The following TFAM variants were observed in gnomAD, a reference collection of about 807,000 sequenced individuals.
The protein encoded by TFAM is mitochondrial transcription factor 1.
In TFAM, 13 loss-of-function variants were observed where a neutral mutation model predicts 30.6. The observed-to-expected ratio is 0.42, with a 90% CI of 0.28 to 0.67. The LOEUF is 0.67. TFAM is among the 30% of genes least tolerant of loss of function. The probability of loss-of-function intolerance (pLI) is 0.21; values close to 1 mark genes in which losing one functional copy is unlikely to be tolerated. For synonymous variants in TFAM, 106 were observed against 94.8 expected (o/e 1.12, Z -0.69); for missense variants, 231 against 293.7 (o/e 0.79, Z 1.56).
At chr10:58,389,087 C>T (rs1206061477) in intron 4 of TFAM, among the ~76,000 whole-genome samples, 1 of 152,144 alleles carries the variant, frequency 6.6e-6, no homozygotes, top group Non-Finnish European at 1.5e-5. Flanking sequence ...GTAATGGAAA[C>T]TACAGGAACA....
At chr10:58,393,024 G>T (rs1840624264) in intron 5 of TFAM, among the ~76,000 whole-genome samples, 1 of 152,060 alleles carries the variant, frequency 6.6e-6, no homozygotes, top group African/African-American at 2.4e-5. Context: ...CTGTGGCCCA[G>T]GCTGGAGTGC....
chr10:58,392,268 A>C (rs1230855392), intron 5 of TFAM, among the ~76,000 whole-genome samples: 2 of 152,106 alleles, frequency 1.3e-5, no homozygotes, highest in Non-Finnish European at 2.9e-5. Flanking sequence ...CTGGGCATAG[A>C]ATTCTAGTTT....
At chr10:58,391,117 T>G (rs1249173403) in intron 5 of TFAM, among the ~76,000 whole-genome samples, 1 of 152,144 alleles carries the variant, frequency 6.6e-6, no homozygotes, top group Non-Finnish European at 1.5e-5. Context: ...GTAGGGATAT[T>G]AAAGTTCTTC....
chr10:58,386,555 A>G (rs938439470), intron 2 of TFAM: 11 of 779,276 alleles, frequency 1.4e-5, no homozygotes, highest in Admixed American at 3.1e-5. Context: ...CGTATAGTGT[A>G]GAAAGCACCC....
chr10:58,385,830 T>A (rs1840476571), intron 1 of TFAM, among the ~76,000 whole-genome samples, 182 bp downstream of exon 1: 1 of 152,188 alleles, frequency 6.6e-6, no homozygotes, highest in South Asian at 2.1e-4. Context: ...ATTTACTCTC[T>A]TAATACGCCG....
intron 3 of TFAM, 109 bp from the exon 4 acceptor site, chr10:58,388,560 TG>T: frequency 8.5e-7 from 1 of 1,177,070 alleles, no homozygotes; most frequent in Non-Finnish European, 1.3e-6. Flanking sequence ...ATTTTCCACC[TG>T]GTGATAAAAT....
rs187395730 is a variant in TFAM at position 58,397,585 on chromosome 10, A to T, written c.*2511A>T. The T allele has an allele frequency of 5.1e-4, 78 of 152,130 alleles. No individual in the cohort carries two copies. The highest frequency in any genetic ancestry group is 1.9e-3 in the African/African-American group (78 of 41,526). 9.4% of individuals were successfully genotyped at this position (152,130 alleles called of 1,614,324 possible). On this transcript the variant is annotated 3_prime_UTR_variant, in exon 7 of 7. Coordinates refer to ENST00000487519, the MANE Select transcript of TFAM (RefSeq NM_003201.3). ...GGTTTCCAAGCCTTTTTTTCCCCCG[A>T]CATCCAGAATACACACTGGATCCAA...
chr10:58,388,312 C>A, intron 3 of TFAM, 52 bp downstream of exon 3: 1 of 1,463,252 alleles, frequency 6.8e-7, no homozygotes, highest in Non-Finnish European at 9.6e-7. Context: ...CAGTTAGGAG[C>A]AATTGTCATG....
Position 58,388,746 on chromosome 10 carries a change from C to G in TFAM, c.368C>G (p.Pro123Arg), listed in dbSNP as rs1380264671. Residue 123 changes from proline (P) to arginine (R), a missense_variant, in exon 4 of 7, where the codon CCA (proline) becomes CGA (arginine). Pro to Arg is a moderately radical substitution (Grantham distance 103). Coordinates refer to ENST00000487519, the MANE Select transcript of TFAM (RefSeq NM_003201.3). ...AGCAGATTTAAAGAACAGCTAACTC[C>G]AAGTCAGATTATGTCTTTGGAAAAA... is the stretch of plus-strand genomic sequence containing the variant. ...EISRFKEQLT[P>R]SQIMSLEKEI... 6.2e-7 allele frequency: 1 copy of G among 1,613,048 alleles called. No individual in the cohort carries two copies. The highest frequency in any genetic ancestry group is 1.7e-5 in the Admixed American group (1 of 59,982).
chr10:58,388,967 C>A (rs1840542375), intron 4 of TFAM, 148 bp downstream of exon 4: 2 of 755,414 alleles, frequency 2.6e-6, no homozygotes, highest in Non-Finnish European at 4.1e-6. Context: ...GGATAGTTCT[C>A]TTATGAAAAG....
At chr10:58,388,058 G>A in intron 2 of TFAM, 132 bp from the exon 3 acceptor site, 1 of 711,628 alleles carries the variant, frequency 1.4e-6, no homozygotes. Flanking sequence ...GTTTAAATTA[G>A]TTGGATAAAG....
chr10:58,393,861 T>C (rs75491345), intron 5 of TFAM, among the ~76,000 whole-genome samples: 22,817 of 151,694 alleles, frequency 0.15, 1,719 homozygotes, highest in Non-Finnish European at 0.17. Context: ...TACCACTGCT[T>C]TCCCACCTGA....
At chr10:58,390,963 C>A in intron 5 of TFAM, 103 bp downstream of exon 5, 1 of 1,039,018 alleles carries the variant, frequency 9.6e-7, no homozygotes, top group South Asian at 1.4e-5. Context: ...AATATCCAGA[C>A]AGTAAACTCT....
At position 58,394,945 on chromosome 10, in the gene TFAM, T is replaced by G; in HGVS notation, c.612T>G (p.Ala204=). The G allele has an allele frequency of 1.9e-6, 3 of 1,613,466 alleles. No homozygotes were observed. Among genetic ancestry groups the G allele is most frequent in the Non-Finnish European group, 1.7e-6 (2 of 1,179,574 alleles). The change falls in exon 7 of 7, where the codon GCT becomes GCG. Residue 204 remains alanine, a synonymous_variant. Coordinates refer to ENST00000487519, the MANE Select transcript of TFAM (RefSeq NM_003201.3). ...TTTCTCAGTTATATATTCAGCATGC[T>G]AAAGAGGACGAAACTCGTTATCATA... ...DSEKELYIQH[A]KEDETRYHNE... is the part of the protein sequence containing the mutation.
In TFAM at chr10:58,394,403, T is replaced by C; in HGVS notation, c.583T>C (p.Ser195Pro). ...GGAAAACTGGAAAAATCTGTCTGAC[T>C]CTGAAAAGGAAGTGAGTATTACGGT... Reference protein sequence around the residue: ...VKENWKNLSDSEKELYIQHAK... With the variant: ...VKENWKNLSDPEKELYIQHAK... The change falls in exon 6 of 7, where the codon TCT (serine) becomes CCT (proline). Residue 195 changes from serine (S) to proline (P), a missense_variant. Transcript: ENST00000487519. 6.2e-7 allele frequency: 1 copy of C among 1,613,602 alleles called. No homozygotes were observed. Among genetic ancestry groups the C allele is most frequent in the Non-Finnish European group, 8.5e-7 (1 of 1,179,608 alleles).
At position 58,385,557 on chromosome 10, in the gene TFAM, C is replaced by G. The variant is rs1448492458; in HGVS notation, c.10C>G (p.Leu4Val). ...CTCATCCACCGGAGCGATGGCGTTT[C>G]TCCGAAGCATGTGGGGCGTGCTGAG... MAF[L>V]RSMWGVLSAL... Residue 4 changes from leucine (L) to valine (V), a missense_variant, in exon 1 of 7, where the codon CTC becomes GTC. Leu to Val is a conservative substitution (Grantham distance 32, BLOSUM62 1). Coordinates refer to ENST00000487519, the MANE Select transcript of TFAM (RefSeq NM_003201.3). The G allele has an allele frequency of 6.4e-6, 10 of 1,565,748 alleles. No homozygotes were observed. The Admixed American group carries it at 1.5e-4, about 24-fold the overall frequency.
intron 5 of TFAM, among the ~76,000 whole-genome samples, chr10:58,391,263 T>C (rs989789176): frequency 1.3e-5 from 2 of 152,154 alleles, no homozygotes; most frequent in African/African-American, 2.4e-5. Context: ...ACATTTTGGT[T>C]ATACCCATAG....
At chr10:58,390,936 A>G in intron 5 of TFAM, 76 bp downstream of exon 5, 1 of 1,262,048 alleles carries the variant, frequency 7.9e-7, no homozygotes, top group Non-Finnish European at 1.1e-6. Context: ...TGTGTCAGGT[A>G]GTGAAGAAAA....
At position 58,388,783 on chromosome 10, in the gene TFAM, C is replaced by G. The variant is rs534877353; in HGVS notation, c.405C>G (p.Asp135Glu). 2 of 1,608,414 alleles carry G rather than the reference C, an allele frequency of 1.2e-6. No homozygotes were observed. Among genetic ancestry groups the G allele is most frequent in the East Asian group, 2.2e-5 (1 of 44,728 alleles). The change falls in exon 4 of 7, where the codon GAC (aspartate) becomes GAG (glutamate). Residue 135 changes from aspartate (D) to glutamate (E), a missense_variant. Transcript: ENST00000487519. ...TGTCTTTGGAAAAAGAAATCATGGA[C>G]AAACATTTAAAAAGGAAAGCTATGA... ...QIMSLEKEIM[D>E]KHLKRKAMTK...
Sources: allele counts gnomAD v4.1 joint callset (sites outside exome capture counted in the v4.1 genomes callset), GRCh38; gene constraint gnomAD v4.1.1; transcripts MANE v1.5; gene names NCBI Gene and HGNC (gene_info 2026-07-23, HGNC 2026-07-21).